Variants in ZNF385D observed in about 807,000 individuals in gnomAD.
ZNF385D encodes zinc finger protein 659.
In ZNF385D, 15 loss-of-function variants were observed where a neutral mutation model predicts 35.8. That is an observed-to-expected ratio of 0.42 (90% CI 0.28 to 0.64). The LOEUF is 0.64. ZNF385D is among the 30% of genes least tolerant of loss of function. The pLI, the probability that ZNF385D is intolerant of heterozygous loss-of-function variation, is 0.23. For missense variants in ZNF385D, 474 were observed against 494.6 expected (o/e 0.96, Z 0.39); for synonymous variants, 212 against 186.8 (o/e 1.13, Z -1.10).
At chr3:22,290,080 G>A (rs773224710) in intron 2 of ZNF385D, among the ~76,000 whole-genome samples, 1 of 152,148 alleles carries the variant, frequency 6.6e-6, no homozygotes, top group Non-Finnish European at 1.5e-5. Context: ...ATTGTTTTGT[G>A]TTCTAGGGAG....
chr3:21,986,431 T>A (rs1694808224), intron 3 of ZNF385D, among the ~76,000 whole-genome samples: 1 of 111,218 alleles, frequency 9.0e-6, no homozygotes, highest in Admixed American at 7.8e-5. Context: ...ATGTACCCAG[T>A]AGTCATTCAG....
chr3:21,568,372 T>C (rs1013703737), intron 2 of ZNF385D, among the ~76,000 whole-genome samples: 1 of 152,196 alleles, frequency 6.6e-6, no homozygotes, highest in Non-Finnish European at 1.5e-5. Context: ...TCATTTTGTC[T>C]AAACTTATCT....
At chr3:21,689,821 G>A (rs1291714447) in intron 1 of ZNF385D, among the ~76,000 whole-genome samples, 1 of 151,482 alleles carries the variant, frequency 6.6e-6, no homozygotes, top group African/African-American at 2.4e-5. Flanking sequence ...GAGACCTTGA[G>A]GATCACTGCC....
chr3:22,079,665 T>C lies in ZNF385D; in HGVS notation c.325+89152A>G, dbSNP rs146020443. Among the ~76,000 whole-genome samples, 955 of 152,160 alleles carry C rather than the reference T, an allele frequency of 6.3e-3. 6 individuals carry two copies. The highest frequency in any genetic ancestry group is 0.013 in the African/African-American group (540 of 41,564). On this transcript the variant is annotated intron_variant, in intron 3 of 5. Coordinates refer to the ZNF385D transcript ENST00000494108. ...ACTAAAGAAGATTATTTTGGTTTCATTGATAGCATAAGGTATCCAAAACCA... is the reference window on the plus strand; with the variant it reads ...ACTAAAGAAGATTATTTTGGTTTCACTGATAGCATAAGGTATCCAAAACCA...
rs116727353 is a variant in ZNF385D, at chr3:21,679,728, A to G, written c.23-14700T>C. On this transcript the variant is annotated intron_variant, in intron 1 of 7. Coordinates refer to ENST00000281523, the MANE Select transcript of ZNF385D (RefSeq NM_024697.3). ...AGGAAGGAGGTTTGGAGGGAGGGAG[A>G]CTAGCAGGGAGGGAAAATAGCAATT... Among the ~76,000 whole-genome samples the G allele has an allele frequency of 1.4e-3, 212 of 152,160 alleles. 2 individuals are homozygous for G. Among genetic ancestry groups the G allele is most frequent in the African/African-American group, 4.7e-3 (197 of 41,548 alleles).
chr3:21,685,095 T>G (rs1316713585), intron 1 of ZNF385D, among the ~76,000 whole-genome samples: 1 of 152,156 alleles, frequency 6.6e-6, no homozygotes, highest in Non-Finnish European at 1.5e-5. Flanking sequence ...TTTTTAACGC[T>G]AAGAAAAAAA....
At chr3:22,240,599 G>T (rs777874214) in intron 2 of ZNF385D, among the ~76,000 whole-genome samples, 1 of 150,844 alleles carries the variant, frequency 6.6e-6, no homozygotes, top group East Asian at 2.0e-4. Flanking sequence ...GACCTTCCAG[G>T]GTAAGAAAGA....
chr3:21,777,969 G>C (rs2071352415), intron 3 of ZNF385D, among the ~76,000 whole-genome samples: 2 of 151,816 alleles, frequency 1.3e-5, no homozygotes, highest in Non-Finnish European at 2.9e-5. Flanking sequence ...GCCAAGCCTT[G>C]ATCAAACAGA....
rs565325678 is a variant in ZNF385D at position 21,953,282 on chromosome 3, A to C, written c.325+215535T>G. 1.1e-3 allele frequency among the ~76,000 whole-genome samples: 170 copies of C among 152,032 alleles called. 1 individual carries two copies. The highest frequency in any genetic ancestry group is 3.4e-3 in the Middle Eastern group (1 of 294). ...TAAAACTTTTTTTTTTTTCCTCTAA[A>C]AAGTTACATCAAGCTCAATAGGTAA... On this transcript the variant is annotated intron_variant, in intron 3 of 5. Coordinates refer to the ZNF385D transcript ENST00000494108.
chr3:22,205,431 G>A (rs1223702949), intron 2 of ZNF385D, among the ~76,000 whole-genome samples: 1 of 151,858 alleles, frequency 6.6e-6, no homozygotes, highest in Non-Finnish European at 1.5e-5. Context: ...TAAATCATCT[G>A]AAGGTACAAA....
chr3:21,857,029 C>A (rs1256829661), intron 3 of ZNF385D, among the ~76,000 whole-genome samples: 6 of 151,988 alleles, frequency 3.9e-5, no homozygotes, highest in Non-Finnish European at 5.9e-5. Flanking sequence ...AGCAGAAATG[C>A]AATTTCTAGG....
chr3:21,890,683 G>T (rs986466108), intron 3 of ZNF385D, among the ~76,000 whole-genome samples: 6 of 152,138 alleles, frequency 3.9e-5, no homozygotes, highest in African/African-American at 1.4e-4. Flanking sequence ...ACACAGACAG[G>T]TATGAGAAAA....
rs990358268 is a variant in ZNF385D, at chr3:21,418,596, C to T, written c.*2618G>A. 4.6e-5 allele frequency: 7 copies of T among 152,110 alleles called. No homozygotes were observed. The highest frequency in any genetic ancestry group is 1.4e-4 in the African/African-American group (6 of 41,428). The allele number at this position is 152,110 out of a possible 1,614,324, so 9.4% of individuals were successfully genotyped here. A position where few individuals can be genotyped will look rare whatever the true frequency, so the allele number is the denominator to read the frequency against. On this transcript the variant is annotated 3_prime_UTR_variant, in exon 8 of 8. Transcript: ENST00000281523. ...GCTGATGGAGAAAATATGGCTGATTCGTTTGTTCCCAGCAAATCATTAAAG... is the reference window on the plus strand; with the variant it reads ...GCTGATGGAGAAAATATGGCTGATTTGTTTGTTCCCAGCAAATCATTAAAG...
At chr3:21,675,394 C>G (rs2066694881) in intron 1 of ZNF385D, among the ~76,000 whole-genome samples, 1 of 151,992 alleles carries the variant, frequency 6.6e-6, no homozygotes, top group African/African-American at 2.4e-5. Flanking sequence ...ACTGGGTCCT[C>G]TGTAGGATAG....
chr3:22,317,309 AAAAAT>A (rs1703952105), intron 2 of ZNF385D, among the ~76,000 whole-genome samples: 2 of 148,552 alleles, frequency 1.3e-5, no homozygotes, highest in South Asian at 4.2e-4. Flanking sequence ...AAAAAAAGGA[AAAAAT>A]AAAAGAAAAA....
chr3:22,157,251 C>A (rs1190884642), intron 3 of ZNF385D, among the ~76,000 whole-genome samples: 1 of 151,998 alleles, frequency 6.6e-6, no homozygotes, highest in Admixed American at 6.6e-5. Context: ...ATGACTGTAT[C>A]TAAATCATAA....
At chr3:22,003,052 A>G (rs924279942) in intron 3 of ZNF385D, among the ~76,000 whole-genome samples, 8 of 152,246 alleles carry the variant, frequency 5.3e-5, no homozygotes, top group East Asian at 1.9e-4. Flanking sequence ...CTTACTCAGC[A>G]TGGTACTGGA....
chr3:21,810,642 G>C (rs190617264), intron 3 of ZNF385D, among the ~76,000 whole-genome samples: 37 of 152,094 alleles, frequency 2.4e-4, no homozygotes, highest in Non-Finnish European at 4.7e-4. Context: ...ATCAGATGGA[G>C]AGTACTGAGA....
intron 3 of ZNF385D, among the ~76,000 whole-genome samples, chr3:21,949,623 G>T (rs1701967794): frequency 6.8e-6 from 1 of 147,830 alleles, no homozygotes; most frequent in African/African-American, 2.5e-5. Flanking sequence ...TTGTTACATA[G>T]GTATACAAGT....
Sources: allele counts gnomAD v4.1 joint callset (sites outside exome capture counted in the v4.1 genomes callset), GRCh38; gene constraint gnomAD v4.1.1; transcripts MANE v1.5; gene names NCBI Gene and HGNC (gene_info 2026-07-23, HGNC 2026-07-21).